Variants in SH3KBP1 observed in about 807,000 individuals in gnomAD.
SH3KBP1 encodes SH3 domain containing kinase binding protein 1, also known as SH3 domain-containing kinase-binding protein 1.
Under a neutral mutation model 50.1 loss-of-function variants are expected in SH3KBP1, and 8 were observed. The ratio of observed to expected loss-of-function variants is 0.16; its 90% CI spans 0.09 to 0.29. The LOEUF is 0.29. SH3KBP1 is among the 10% of genes least tolerant of loss of function. The probability of loss-of-function intolerance (pLI) is 1.00; values close to 1 mark genes in which losing one functional copy is unlikely to be tolerated. For missense variants in SH3KBP1, 377 were observed against 535.2 expected (o/e 0.70, Z 2.92); for synonymous variants, 227 against 218.6 (o/e 1.04, Z -0.34).
intron 3 of SH3KBP1, among the ~76,000 whole-genome samples, chrX:19,739,271 C>T (rs1191500878): frequency 3.6e-5 from 4 of 111,568 alleles, no homozygotes; most frequent in African/African-American, 1.3e-4. Context: ...CAGTCTGTGC[C>T]CAGGCAAGAA....
At position 19,631,851 on chromosome X, in the gene SH3KBP1, A is replaced by G. The variant is rs7883994; in HGVS notation, c.897+13T>C. 8.9e-7 allele frequency: 1 copy of G among 1,119,154 alleles called. No homozygotes were observed. The highest frequency in any genetic ancestry group is 1.9e-5 in the South Asian group (1 of 52,868). 92.2% of individuals were successfully genotyped at this position (1,119,154 alleles called of 1,213,427 possible). On this transcript the variant is annotated intron_variant, in intron 8 of 17. Coordinates refer to ENST00000397821, the MANE Select transcript of SH3KBP1 (RefSeq NM_031892.3). ...GTTCGCGATTTAGAAGGTAGGAGAC[A>G]ACCTTTGTTTACCTTATTGATGAGA... is the stretch of plus-strand genomic sequence containing the variant.
intron 10 of SH3KBP1, 39 bp from the exon 11 acceptor site, chrX:19,592,186 C>T (rs1432059941): frequency 4.8e-6 from 5 of 1,045,577 alleles, no homozygotes; most frequent in Non-Finnish European, 5.3e-6. Context: ...AAAATGTTTT[C>T]TGTACTCAAT....
At chrX:19,679,376 AT>A (rs1483248303) in intron 6 of SH3KBP1, among the ~76,000 whole-genome samples, 4 of 111,143 alleles carry the variant, frequency 3.6e-5, no homozygotes, top group Non-Finnish European at 7.6e-5. Context: ...TCAGGTATAT[AT>A]TTTTTAAGTC....
rs140545590 is a variant in SH3KBP1 at position 19,542,011 on chromosome X, C to T, written c.1806G>A (p.Ala602=). 2.1e-4 allele frequency: 260 copies of T among 1,210,255 alleles called. No homozygotes were observed. The African/African-American group carries it at 3.8e-3, about 18-fold the overall frequency. The change falls in exon 16 of 18, where the codon GCG becomes GCA. Residue 602 remains alanine (A), a synonymous_variant. Coordinates refer to ENST00000397821, the MANE Select transcript of SH3KBP1 (RefSeq NM_031892.3). ...GTEGKPKMEP[A]ASSQAAVEEL... is the part of the protein sequence containing the mutation. ...CCTCCACGGCCGCCTGGCTGCTGGC[C>T]GCAGGCTCCATCTTTGGTTTTCCTT...
At chrX:19,769,791 G>A (rs1432688549) in intron 2 of SH3KBP1, among the ~76,000 whole-genome samples, 1 of 111,066 alleles carries the variant, frequency 9.0e-6, no homozygotes, top group Admixed American at 9.7e-5. Context: ...AAGTCATCTA[G>A]TATCACAGAA....
intron 2 of SH3KBP1, among the ~76,000 whole-genome samples, chrX:19,776,850 A>G: frequency 9.1e-6 from 1 of 110,344 alleles, no homozygotes; most frequent in Non-Finnish European, 1.9e-5. Flanking sequence ...CACTGCACCC[A>G]GCTGACAGCC....
At chrX:19,642,619 T>C (rs145769691) in intron 7 of SH3KBP1, among the ~76,000 whole-genome samples, 62 of 112,082 alleles carry the variant, frequency 5.5e-4, no homozygotes, top group African/African-American at 1.9e-3. Context: ...GCTATTTTTC[T>C]ATCCCACAGA....
At chrX:19,600,059 C>T (rs1029443799) in intron 9 of SH3KBP1, among the ~76,000 whole-genome samples, 1 of 87,305 alleles carries the variant, frequency 1.1e-5, no homozygotes, top group Admixed American at 1.5e-4. Flanking sequence ...GGCGTGAACC[C>T]GGGAGGCGGA....
rs958231891 is a variant in SH3KBP1, at chrX:19,650,918, C to T, written c.727-5443G>A. Among the ~76,000 whole-genome samples the T allele has an allele frequency of 2.7e-5, 3 of 111,989 alleles. No individual in the cohort carries two copies. In the Admixed American group the frequency reaches 2.8e-4, roughly 11 times the overall value. Reference sequence around the variant, plus strand: ...CTCATATATGGGATACAGAGAGCTACAGGACACAGTGACAGGAGGAGGGTC... The same window carrying T: ...CTCATATATGGGATACAGAGAGCTATAGGACACAGTGACAGGAGGAGGGTC... On this transcript the variant is annotated intron_variant, in intron 6 of 17. Coordinates refer to ENST00000397821, the MANE Select transcript of SH3KBP1 (RefSeq NM_031892.3).
chrX:19,757,615 A>G (rs1603205520), intron 2 of SH3KBP1, among the ~76,000 whole-genome samples: 1 of 107,948 alleles, frequency 9.3e-6, no homozygotes, highest in South Asian at 4.1e-4. Flanking sequence ...ATGAATAACT[A>G]TTTTTCCCTA....
intron 3 of SH3KBP1, among the ~76,000 whole-genome samples, chrX:19,720,390 A>G (rs1374158560): frequency 9.0e-6 from 1 of 111,180 alleles, no homozygotes; most frequent in Non-Finnish European, 1.9e-5. Flanking sequence ...TTCAGAGGAG[A>G]AAATCCAATA....
At chrX:19,775,235 G>A (rs948646765) in intron 2 of SH3KBP1, among the ~76,000 whole-genome samples, 1 of 111,486 alleles carries the variant, frequency 9.0e-6, no homozygotes, top group Non-Finnish European at 1.9e-5. Flanking sequence ...GCCTCACTGA[G>A]GTAAAGTACC....
At chrX:19,789,655 C>G (rs2066471612) in intron 2 of SH3KBP1, among the ~76,000 whole-genome samples, 1 of 108,326 alleles carries the variant, frequency 9.2e-6, no homozygotes, top group Non-Finnish European at 1.9e-5. Context: ...ACCCTAATGG[C>G]CTCATTTTAA....
intron 5 of SH3KBP1, among the ~76,000 whole-genome samples, chrX:19,692,830 G>A (rs1393053669): frequency 1.7e-4 from 18 of 107,666 alleles, no homozygotes; most frequent in Middle Eastern, 4.4e-3. Flanking sequence ...TTACAGGTAT[G>A]TGCCAGCACG....
At chrX:19,607,057 C>T in intron 9 of SH3KBP1, among the ~76,000 whole-genome samples, 1 of 112,849 alleles carries the variant, frequency 8.9e-6, no homozygotes, top group African/African-American at 3.2e-5. Flanking sequence ...CAAAGCAGCA[C>T]AAATTCCATT....
intron 3 of SH3KBP1, among the ~76,000 whole-genome samples, chrX:19,718,738 G>A (rs1284500503): frequency 4.5e-5 from 5 of 111,613 alleles, no homozygotes; most frequent in African/African-American, 1.6e-4. Flanking sequence ...AAGGGGCCTC[G>A]GACCTCCCAA....
In SH3KBP1 at chrX:19,799,755, G is replaced by A. The variant is rs1354340725; in HGVS notation, c.162+36370C>T. ...GGCAGGAATAAGTTCCGTGCTCTCC[G>A]AGAACTGCAAGTCTCTCTGATTCAC... On this transcript the variant is annotated intron_variant, in intron 2 of 17. Transcript: ENST00000397821. The A allele has an allele frequency of 1.2e-5, 14 of 1,190,908 alleles. No homozygotes were observed. In the South Asian group the frequency reaches 1.3e-4, roughly 11 times the overall value.
At chrX:19,605,586 C>T (rs1386591177) in intron 9 of SH3KBP1, among the ~76,000 whole-genome samples, 1 of 111,184 alleles carries the variant, frequency 9.0e-6, no homozygotes, top group African/African-American at 3.3e-5. Flanking sequence ...CTGAACAGCC[C>T]CCTTGCCTCC....
chrX:19,873,875 C>T (rs1347729953), intron 1 of SH3KBP1, among the ~76,000 whole-genome samples: 1 of 103,569 alleles, frequency 9.7e-6, no homozygotes, highest in African/African-American at 3.6e-5. Flanking sequence ...ACAATGAAAC[C>T]CTGTCCCTGC....
Sources: allele counts gnomAD v4.1 joint callset (sites outside exome capture counted in the v4.1 genomes callset), GRCh38; gene constraint gnomAD v4.1.1; transcripts MANE v1.5; gene names NCBI Gene and HGNC (gene_info 2026-07-23, HGNC 2026-07-21).